Variants in ADGRV1 observed in about 807,000 individuals in gnomAD.
ADGRV1 encodes the protein adhesion G protein-coupled receptor V1, also known as G-protein coupled receptor 98.
ADGRV1 carries 359 observed loss-of-function variants against 596.2 expected under a neutral mutation model. That is an observed-to-expected ratio of 0.60 (90% CI 0.55 to 0.66). The LOEUF (loss-of-function observed/expected upper bound fraction) is 0.66. Ranked by LOEUF, ADGRV1 falls within the 30% of genes least tolerant of loss-of-function variation. ADGRV1 has a pLI of 0.00. For missense variants in ADGRV1, 7,274 were observed against 7,575.6 expected, an observed-to-expected ratio of 0.96 and a Z score of 1.48; for synonymous variants, 2,681 against 2,679.2, an observed-to-expected ratio of 1.00 and a Z score of -0.02.
chr5:90,811,689 A>G (rs1326114332), intron 74 of ADGRV1, among the ~76,000 whole-genome samples: 1 of 151,678 alleles, frequency 6.6e-6, no homozygotes, highest in Non-Finnish European at 1.5e-5. Flanking sequence ...ACTTTCAGTA[A>G]TCCATCCTAA....
chr5:90,604,468 AT>A (rs574767922), intron 1 of ADGRV1, among the ~76,000 whole-genome samples: 242 of 152,196 alleles, frequency 1.6e-3, no homozygotes, highest in African/African-American at 5.5e-3. Context: ...GAAAAAAAAA[AT>A]TTTGTTTGAC....
Position 90,599,614 on chromosome 5 carries a change from C to CT in ADGRV1, c.23-15212dup, listed in dbSNP as rs199952991. Among the ~76,000 whole-genome samples the CT allele has an allele frequency of 3.2e-3, 491 of 151,534 alleles. 1 individual carries two copies. Among genetic ancestry groups the CT allele is most frequent in the African/African-American group, 0.011 (447 of 41,402 alleles). On this transcript the variant is annotated intron_variant, in intron 1 of 89. Transcript: ENST00000405460. ...AAAAATTGATCTTAGGCTTTATCATCTTTTTTTTTATTTATAAACTTCTGT... is the reference window on the plus strand; with the variant it reads ...AAAAATTGATCTTAGGCTTTATCATCTTTTTTTTTTATTTATAAACTTCTGT...
chr5:91,102,387 A>G, intron 87 of ADGRV1, 47 bp downstream of exon 87: 1 of 1,495,748 alleles, frequency 6.7e-7, no homozygotes, highest in Non-Finnish European at 9.0e-7. Context: ...TATCTTAATG[A>G]ACACAAGGCA....
chr5:90,785,452 A>G (rs1166069533), intron 67 of ADGRV1, among the ~76,000 whole-genome samples: 1 of 152,234 alleles, frequency 6.6e-6, no homozygotes, highest in Non-Finnish European at 1.5e-5. Context: ...ACAGACTACC[A>G]TCAGAGTGAA....
chr5:90,771,889 T>C (rs1757727865), intron 59 of ADGRV1, among the ~76,000 whole-genome samples: 1 of 152,204 alleles, frequency 6.6e-6, no homozygotes, highest in Admixed American at 6.5e-5. Flanking sequence ...AATTCCATTT[T>C]GAATCTCTAA....
rs776735243 is a variant in ADGRV1, at chr5:90,657,576, GTGTA to G, written c.4379-321_4379-318del. 2.6e-4 allele frequency among the ~76,000 whole-genome samples: 40 copies of G among 152,188 alleles called. 1 individual carries two copies. In the South Asian group the frequency reaches 4.8e-3, roughly 18 times the overall value. On this transcript the variant is annotated intron_variant, in intron 20 of 89. Coordinates refer to ENST00000405460, the MANE Select transcript of ADGRV1 (RefSeq NM_032119.4). ...CGTGCACATACATACATGCATACGT[GTGTA>G]TGTATGTGTGTGTATGTGTATGTTC...
At position 90,635,149 on chromosome 5, in the gene ADGRV1, A is replaced by G; in HGVS notation, c.1875A>G (p.Leu625=). 1 of 1,607,040 alleles carries G rather than the reference A, an allele frequency of 6.2e-7. No homozygotes were observed. The change falls in exon 10 of 90, where the codon CTA becomes CTG. Residue 625 remains leucine, a synonymous_variant. Coordinates refer to ENST00000405460, the MANE Select transcript of ADGRV1 (RefSeq NM_032119.4). ...TGGAGTTGTTAAACATAATTCCTCT[A>G]ATCCCACCCATAAGCCCTAGATTTG... ...ETVELLNIIP[L]IPPISPRFGE...
intron 1 of ADGRV1, among the ~76,000 whole-genome samples, chr5:90,609,592 T>C (rs1366718465): frequency 6.6e-6 from 1 of 151,960 alleles, no homozygotes; most frequent in Non-Finnish European, 1.5e-5. Flanking sequence ...TAATTGATGA[T>C]AGGAATGATG....
intron 22 of ADGRV1, chr5:90,673,030 A>C (rs1268058384): frequency 3.6e-6 from 1 of 277,594 alleles, no homozygotes; most frequent in Non-Finnish European, 6.6e-6. Context: ...TAACCCCAGC[A>C]TACTGCATAT....
chr5:90,982,190 T>C (rs1417245125), intron 84 of ADGRV1, among the ~76,000 whole-genome samples: 1 of 152,216 alleles, frequency 6.6e-6, no homozygotes, highest in Admixed American at 6.5e-5. Context: ...ATGAGAAGTA[T>C]TTAGGTCTTT....
rs189927049 is a variant in ADGRV1, at chr5:91,129,492, G to C, written c.18433-20538G>C. Among the ~76,000 whole-genome samples the C allele has an allele frequency of 1.4e-4, 22 of 152,258 alleles. No individual in the cohort carries two copies. The East Asian group carries it at 4.2e-3, about 29-fold the overall frequency. On this transcript the variant is annotated intron_variant, in intron 87 of 89. Coordinates refer to ENST00000405460, the MANE Select transcript of ADGRV1 (RefSeq NM_032119.4). ...TGGGCGACATCATAGATCAAAGTTT[G>C]ATCCTCAGTTTTACAGGCTCAAAAA...
intron 86 of ADGRV1, among the ~76,000 whole-genome samples, chr5:91,096,543 A>C (rs1374776481): frequency 1.3e-5 from 2 of 151,976 alleles, no homozygotes; most frequent in Non-Finnish European, 2.9e-5. Flanking sequence ...TTTCACTAAA[A>C]CCTTTTCAAA....
intron 85 of ADGRV1, among the ~76,000 whole-genome samples, chr5:91,069,875 G>C (rs1437749938): frequency 6.6e-6 from 1 of 151,488 alleles, no homozygotes; most frequent in Non-Finnish European, 1.5e-5. Flanking sequence ...CAACAATGCT[G>C]GGTTGGATAG....
intron 87 of ADGRV1, among the ~76,000 whole-genome samples, chr5:91,141,479 T>G (rs1795094017): frequency 6.6e-6 from 1 of 152,198 alleles, no homozygotes; most frequent in Admixed American, 6.5e-5. Context: ...TTTCCATATA[T>G]TTAATACACA....
intron 87 of ADGRV1, among the ~76,000 whole-genome samples, chr5:91,145,427 A>G (rs376953727): frequency 3.3e-5 from 5 of 152,218 alleles, no homozygotes; most frequent in African/African-American, 1.2e-4. Context: ...CGTTTGCACA[A>G]TTTTTAAGGC....
At chr5:91,163,079 G>T (rs1797088809) in intron 89 of ADGRV1, among the ~76,000 whole-genome samples, 1 of 152,094 alleles carries the variant, frequency 6.6e-6, no homozygotes, top group African/African-American at 2.4e-5. Flanking sequence ...AGAACAAGGT[G>T]TTACTCTAGC....
At position 91,072,568 on chromosome 5, in the gene ADGRV1, T is replaced by C; in HGVS notation, c.18274T>C (p.Tyr6092His). 1 of 1,613,870 alleles carries C rather than the reference T, an allele frequency of 6.2e-7. No homozygotes were observed. Among genetic ancestry groups the C allele is most frequent in the Non-Finnish European group, 8.5e-7 (1 of 1,179,778 alleles). Residue 6092 changes from tyrosine to histidine, a missense_variant, in exon 86 of 90, where the codon TAT (tyrosine) becomes CAT (histidine). Coordinates refer to ENST00000405460, the MANE Select transcript of ADGRV1 (RefSeq NM_032119.4). ...AYQVKPQWKA[Y>H]DDVFRGRTNA... Reference sequence around the variant, plus strand: ...CCAGGTGAAGCCACAGTGGAAAGCATATGATGATGTCTTCAGAGGAAGGAC... The same window carrying C: ...CCAGGTGAAGCCACAGTGGAAAGCACATGATGATGTCTTCAGAGGAAGGAC...
chr5:91,148,798 GA>G (rs1795771924), intron 87 of ADGRV1, among the ~76,000 whole-genome samples: 2 of 151,624 alleles, frequency 1.3e-5, no homozygotes, highest in Non-Finnish European at 2.9e-5. Flanking sequence ...AAGCAGCTGG[GA>G]GGGGGTCTGT....
intron 83 of ADGRV1, among the ~76,000 whole-genome samples, chr5:90,897,443 A>G (rs1217364067): frequency 2.6e-5 from 4 of 152,204 alleles, no homozygotes; most frequent in Non-Finnish European, 4.4e-5. Context: ...GGATGTAGAT[A>G]TATGTGTGTA....
Sources: gnomAD v4.1 joint callset for allele counts (sites outside exome capture counted in the v4.1 genomes callset) on GRCh38, gnomAD v4.1.1 for gene constraint, MANE v1.5 for transcripts, NCBI Gene and HGNC (gene_info 2026-07-23, HGNC 2026-07-21) for gene names.